Variants in LRP1B observed in about 807,000 individuals in gnomAD.
The protein encoded by LRP1B is LDL receptor related protein 1B.
Under a neutral mutation model 556.6 loss-of-function variants are expected in LRP1B, and 217 were observed. The observed-to-expected ratio is 0.39, with a 90% CI of 0.35 to 0.44. The LOEUF is 0.44. Among genes scored for constraint, LRP1B ranks in the 20% least tolerant of loss-of-function variants. LRP1B has a pLI of 1.00. For missense variants in LRP1B, 5,053 were observed against 5,620.8 expected (o/e 0.90, Z 3.23); for synonymous variants, 2,047 against 1,865.8 (o/e 1.10, Z -2.50).
At chr2:140,773,281 A>G (rs1048363944) in intron 33 of LRP1B, among the ~76,000 whole-genome samples, 5 of 152,172 alleles carry the variant, frequency 3.3e-5, no homozygotes, top group Admixed American at 2.6e-4. Flanking sequence ...AGCGGCCAAC[A>G]TGGTGAAACC....
chr2:141,446,355 CTT>C (rs1681193855), intron 3 of LRP1B, among the ~76,000 whole-genome samples: 3 of 152,054 alleles, frequency 2.0e-5, no homozygotes, highest in Admixed American at 1.3e-4. Flanking sequence ...GGTCTTGACT[CTT>C]TATCCAATTT....
intron 3 of LRP1B, among the ~76,000 whole-genome samples, chr2:141,303,953 T>C (rs1265039257): frequency 1.3e-5 from 2 of 152,204 alleles, no homozygotes; most frequent in East Asian, 3.9e-4. Flanking sequence ...TAATAACCAT[T>C]CTAATTGGGG....
intron 3 of LRP1B, among the ~76,000 whole-genome samples, chr2:141,468,917 G>A (rs563089145): frequency 6.6e-5 from 10 of 152,236 alleles, no homozygotes; most frequent in African/African-American, 9.6e-5. Flanking sequence ...GAAGAAGCTC[G>A]TTAAGCAGAG....
At chr2:140,372,906 C>A in intron 69 of LRP1B, 102 bp downstream of exon 69, 1 of 1,204,458 alleles carries the variant, frequency 8.3e-7, no homozygotes, top group Non-Finnish European at 1.2e-6. Flanking sequence ...AAATGGTAAA[C>A]ATATGACATA....
At chr2:140,319,900 C>T (rs769779834) in intron 82 of LRP1B, among the ~76,000 whole-genome samples, 9 of 152,078 alleles carry the variant, frequency 5.9e-5, no homozygotes, top group Non-Finnish European at 8.8e-5. Context: ...CCAAAATGCC[C>T]GTCCAAAATA....
At chr2:141,952,007 C>A (rs1442248519) in intron 1 of LRP1B, among the ~76,000 whole-genome samples, 5 of 125,564 alleles carry the variant, frequency 4.0e-5, no homozygotes, top group Admixed American at 2.6e-4. Flanking sequence ...CCTCTCCCCC[C>A]ACCCCACGAC....
intron 35 of LRP1B, among the ~76,000 whole-genome samples, chr2:140,736,844 C>T (rs189125342): frequency 4.0e-4 from 61 of 152,250 alleles, no homozygotes; most frequent in African/African-American, 1.3e-3. Context: ...TTCTCACCCC[C>T]TACTGCCTGA....
chr2:140,613,705 A>T (rs1278536621), intron 41 of LRP1B, among the ~76,000 whole-genome samples: 1 of 151,942 alleles, frequency 6.6e-6, no homozygotes, highest in Non-Finnish European at 1.5e-5. Context: ...AAGCACTAAC[A>T]TAATTTCTAA....
At chr2:141,332,002 C>T (rs1687674094) in intron 3 of LRP1B, among the ~76,000 whole-genome samples, 2 of 152,132 alleles carry the variant, frequency 1.3e-5, no homozygotes, top group South Asian at 4.1e-4. Context: ...ACTCTGTGAA[C>T]TCTTCCTAGA....
intron 7 of LRP1B, among the ~76,000 whole-genome samples, chr2:141,099,685 CCAA>C (rs1372678695): frequency 1.3e-5 from 2 of 152,076 alleles, no homozygotes; most frequent in African/African-American, 2.4e-5. Flanking sequence ...TAGTAAAAAC[CCAA>C]CAACAAATGA....
intron 3 of LRP1B, among the ~76,000 whole-genome samples, chr2:141,353,385 T>A (rs905848450): frequency 2.6e-5 from 4 of 151,960 alleles, no homozygotes; most frequent in African/African-American, 9.7e-5. Context: ...GACTATAAAA[T>A]AAGAGAGAAT....
rs575983668 is a variant in LRP1B, at chr2:140,466,463, CT to C, written c.9625+8674del. 8.5e-5 allele frequency among the ~76,000 whole-genome samples: 13 copies of C among 152,212 alleles called. No individual in the cohort carries two copies. The East Asian group carries it at 2.5e-3, about 29-fold the overall frequency. On this transcript the variant is annotated intron_variant, in intron 60 of 90. Transcript: ENST00000389484. The stretch of plus-strand genomic sequence containing the variant: ...ATAGAGTTAGACTACAATATTGACA[CT>C]TTAATATGAGGCTCTTCAGGTCTAG...
chr2:140,844,292 G>A (rs1989726), intron 29 of LRP1B, among the ~76,000 whole-genome samples: 10 of 152,086 alleles, frequency 6.6e-5, no homozygotes, highest in African/African-American at 2.4e-4. Flanking sequence ...CCAAAGTCCT[G>A]ACCTCAGGTG....
intron 18 of LRP1B, among the ~76,000 whole-genome samples, chr2:140,977,674 C>A (rs1331770761): frequency 2.0e-5 from 3 of 152,056 alleles, no homozygotes; most frequent in South Asian, 4.1e-4. Context: ...AATATAAATT[C>A]TTGGGCCCCA....
chr2:141,210,886 A>G (rs1682509705), intron 6 of LRP1B, among the ~76,000 whole-genome samples: 1 of 152,240 alleles, frequency 6.6e-6, no homozygotes, highest in Admixed American at 6.5e-5. Context: ...TTGATAAATG[A>G]CAATAAAAAA....
intron 66 of LRP1B, among the ~76,000 whole-genome samples, chr2:140,439,542 AC>A (rs140609665): frequency 6.6e-6 from 1 of 152,236 alleles, no homozygotes; most frequent in East Asian, 1.9e-4. Context: ...TTCTTTAAAG[AC>A]CTTTAGTAAT....
chr2:140,345,781 T>TATATACACATATATAC (rs1282423055), intron 77 of LRP1B, among the ~76,000 whole-genome samples: 1 of 127,690 alleles, frequency 7.8e-6, no homozygotes, highest in African/African-American at 3.4e-5. Context: ...TATATATACA[T>TATATACACATATATAC]ATATATACAC....
chr2:141,833,811 G>A (rs894672072), intron 1 of LRP1B, among the ~76,000 whole-genome samples: 5 of 148,126 alleles, frequency 3.4e-5, no homozygotes, highest in Admixed American at 6.7e-5. Flanking sequence ...ATAGAGATGA[G>A]GGCACCCTTC....
At chr2:141,680,031 T>A (rs909968452) in intron 2 of LRP1B, among the ~76,000 whole-genome samples, 6 of 152,028 alleles carry the variant, frequency 3.9e-5, no homozygotes, top group Admixed American at 1.3e-4. Context: ...TAATAAAGTA[T>A]TTCTTTGGGA....
Sources: gnomAD v4.1 joint callset for allele counts (sites outside exome capture counted in the v4.1 genomes callset) on GRCh38, gnomAD v4.1.1 for gene constraint, MANE v1.5 for transcripts, NCBI Gene and HGNC (gene_info 2026-07-23, HGNC 2026-07-21) for gene names.